Variants in CNTNAP2 observed in about 807,000 individuals in gnomAD.
CNTNAP2 encodes the protein contactin-associated protein-like 2.
A neutral mutation model predicts 155.2 loss-of-function variants in CNTNAP2; 98 were observed. The observed-to-expected ratio is 0.63, with a 90% CI of 0.54 to 0.75. The LOEUF (loss-of-function observed/expected upper bound fraction) is 0.75. Ranked by LOEUF, CNTNAP2 falls within the 30% of genes least tolerant of loss-of-function variation. The pLI, the probability that CNTNAP2 is intolerant of heterozygous loss-of-function variation, is 0.00. For missense variants in CNTNAP2, 1,727 were observed against 1,688.1 expected, an observed-to-expected ratio of 1.02 and a Z score of -0.40; for synonymous variants, 651 against 631.2, an observed-to-expected ratio of 1.03 and a Z score of -0.47.
intron 21 of CNTNAP2, among the ~76,000 whole-genome samples, chr7:148,327,850 C>T (rs1328614492): frequency 1.3e-5 from 2 of 152,144 alleles, no homozygotes; most frequent in African/African-American, 4.8e-5. Context: ...CCCTGCACCG[C>T]CCCCACCCCT....
intron 1 of CNTNAP2, among the ~76,000 whole-genome samples, chr7:146,376,751 G>C (rs1795309522): frequency 6.6e-6 from 1 of 152,100 alleles, no homozygotes; most frequent in East Asian, 1.9e-4. Flanking sequence ...AATATTAAGA[G>C]GTAGGGACTT....
At chr7:147,861,294 C>T (rs1433666713) in intron 13 of CNTNAP2, among the ~76,000 whole-genome samples, 1 of 152,190 alleles carries the variant, frequency 6.6e-6, no homozygotes, top group Non-Finnish European at 1.5e-5. Flanking sequence ...GATACTTGAA[C>T]TTCCACTGTG....
At chr7:148,291,723 G>A (rs544516558) in intron 21 of CNTNAP2, among the ~76,000 whole-genome samples, 11 of 152,276 alleles carry the variant, frequency 7.2e-5, no homozygotes, top group Non-Finnish European at 1.5e-4. Context: ...GGGAGGTAAT[G>A]CGTATGTTAA....
chr7:147,155,214 C>G (rs1245766637), intron 8 of CNTNAP2, among the ~76,000 whole-genome samples: 1 of 152,058 alleles, frequency 6.6e-6, no homozygotes, highest in Non-Finnish European at 1.5e-5. Flanking sequence ...CAGAGAGATC[C>G]CTTGAGCCTT....
At chr7:146,168,435 C>T (rs1798343811) in intron 1 of CNTNAP2, among the ~76,000 whole-genome samples, 1 of 152,034 alleles carries the variant, frequency 6.6e-6, no homozygotes, top group Admixed American at 6.6e-5. Context: ...CCCTATCCTA[C>T]AGATAATGTA....
At chr7:147,621,680 C>T (rs1400325739) in intron 12 of CNTNAP2, among the ~76,000 whole-genome samples, 1 of 151,716 alleles carries the variant, frequency 6.6e-6, no homozygotes, top group Non-Finnish European at 1.5e-5. Flanking sequence ...ATTATACCAC[C>T]AGAGAAGATC....
At chr7:146,834,946 A>G (rs1803587639) in intron 2 of CNTNAP2, among the ~76,000 whole-genome samples, 1 of 152,174 alleles carries the variant, frequency 6.6e-6, no homozygotes, top group Non-Finnish European at 1.5e-5. Context: ...TTGATAGACC[A>G]AAGAGAAAAA....
chr7:147,523,920 C>A (rs1799272179), intron 11 of CNTNAP2, among the ~76,000 whole-genome samples: 1 of 152,168 alleles, frequency 6.6e-6, no homozygotes, highest in Non-Finnish European at 1.5e-5. Context: ...TACTCCTCTG[C>A]AATATTTAAG....
chr7:147,666,340 C>T (rs991114792), intron 13 of CNTNAP2, among the ~76,000 whole-genome samples: 2 of 152,150 alleles, frequency 1.3e-5, no homozygotes, highest in Non-Finnish European at 2.9e-5. Flanking sequence ...CTGAAAAATT[C>T]TTAACACCTA....
chr7:147,021,397 A>T (rs900325141), intron 3 of CNTNAP2, among the ~76,000 whole-genome samples: 4 of 152,172 alleles, frequency 2.6e-5, no homozygotes, highest in Non-Finnish European at 5.9e-5. Context: ...CATAGGTCCA[A>T]TTAAAATGCT....
intron 6 of CNTNAP2, among the ~76,000 whole-genome samples, chr7:147,125,917 G>T (rs544552068): frequency 3.3e-5 from 5 of 152,120 alleles, no homozygotes. Flanking sequence ...GCTGCTCCAC[G>T]ATCTTCAAGA....
At chr7:147,737,525 G>C (rs1796875104) in intron 13 of CNTNAP2, among the ~76,000 whole-genome samples, 1 of 139,028 alleles carries the variant, frequency 7.2e-6, no homozygotes. Flanking sequence ...CGTGCTGGGA[G>C]AACCACTACT....
At chr7:146,514,132 G>T (rs925708327) in intron 1 of CNTNAP2, among the ~76,000 whole-genome samples, 1 of 151,422 alleles carries the variant, frequency 6.6e-6, no homozygotes, top group Non-Finnish European at 1.5e-5. Flanking sequence ...ATATTATTTG[G>T]TTATTTTCTC....
chr7:146,364,569 T>G (rs1326664586), intron 1 of CNTNAP2, among the ~76,000 whole-genome samples: 1 of 152,192 alleles, frequency 6.6e-6, no homozygotes, highest in African/African-American at 2.4e-5. Context: ...TGATTAAAAT[T>G]ATAAGAATCA....
chr7:148,298,562 G>A (rs1404744143), intron 21 of CNTNAP2, among the ~76,000 whole-genome samples: 1 of 152,092 alleles, frequency 6.6e-6, no homozygotes, highest in Non-Finnish European at 1.5e-5. Flanking sequence ...TGACTCAAAT[G>A]CTAATTTCCT....
chr7:146,748,764 G>A (rs1011611956), intron 1 of CNTNAP2, among the ~76,000 whole-genome samples: 8 of 152,088 alleles, frequency 5.3e-5, no homozygotes, highest in Admixed American at 5.2e-4. Flanking sequence ...AGATTAAATG[G>A]CTATCTATTA....
intron 15 of CNTNAP2, among the ~76,000 whole-genome samples, chr7:148,094,867 T>C (rs1433410595): frequency 6.6e-6 from 1 of 152,104 alleles, no homozygotes; most frequent in Non-Finnish European, 1.5e-5. Flanking sequence ...TGATTAGACA[T>C]AGATGGAGCT....
At chr7:147,386,032 CAA>C (rs1796619982) in intron 9 of CNTNAP2, among the ~76,000 whole-genome samples, 3 of 152,168 alleles carry the variant, frequency 2.0e-5, no homozygotes, top group Non-Finnish European at 4.4e-5. Context: ...TGGAAGCTGC[CAA>C]GACTTGGGGC....
intron 2 of CNTNAP2, among the ~76,000 whole-genome samples, chr7:146,794,152 G>C (rs1340862443): frequency 6.6e-6 from 1 of 152,132 alleles, no homozygotes; most frequent in Non-Finnish European, 1.5e-5. Context: ...AAATGCCCTT[G>C]GATAGTCTGT....
Sources: gnomAD v4.1 joint callset for allele counts (sites outside exome capture counted in the v4.1 genomes callset) on GRCh38, gnomAD v4.1.1 for gene constraint, MANE v1.5 for transcripts, NCBI Gene and HGNC (gene_info 2026-07-23, HGNC 2026-07-21) for gene names.